Variants in DOCK9 observed in about 807,000 individuals in gnomAD.
The protein encoded by DOCK9 is dedicator of cytokinesis 9, also known as dedicator of cytokinesis protein 9.
In DOCK9, 89 loss-of-function variants were observed where a neutral mutation model predicts 263.3. The ratio of observed to expected loss-of-function variants is 0.34; its 90% CI spans 0.28 to 0.40. The LOEUF (loss-of-function observed/expected upper bound fraction) is 0.40, where lower values mean the gene tolerates loss of function less well. Ranked by LOEUF, DOCK9 falls within the 10% of genes least tolerant of loss-of-function variation. The probability of loss-of-function intolerance (pLI) is 1.00; values close to 1 mark genes in which losing one functional copy is unlikely to be tolerated. For missense variants in DOCK9, 2,140 were observed against 2,603.4 expected (o/e 0.82, Z 3.87); for synonymous variants, 976 against 973.1 (o/e 1.00, Z -0.06).
intron 15 of DOCK9, among the ~76,000 whole-genome samples, chr13:98,893,282 A>G (rs938392303): frequency 4.6e-5 from 7 of 152,234 alleles, no homozygotes; most frequent in African/African-American, 1.7e-4. Context: ...AAACTTTAGT[A>G]GTATTATTAC....
Position 98,850,642 on chromosome 13 carries a change from C to T in DOCK9, c.3947-529G>A, listed in dbSNP as rs118170226. Reference sequence around the variant, plus strand: ...GACCATAATTGAGTTAACTAGTCTCCTACTGATAGGCAGTTACTGTTTCTC... The same window carrying T: ...GACCATAATTGAGTTAACTAGTCTCTTACTGATAGGCAGTTACTGTTTCTC... On this transcript the variant is annotated intron_variant, in intron 35 of 52. Transcript: ENST00000682017. Among the ~76,000 whole-genome samples the T allele has an allele frequency of 6.6e-3, 1,006 of 152,286 alleles. 12 individuals carry two copies. Among genetic ancestry groups the T allele is most frequent in the South Asian group, 0.044 (211 of 4,820 alleles).
chr13:98,931,261 G>A (rs1051341845), intron 2 of DOCK9, among the ~76,000 whole-genome samples: 4 of 151,302 alleles, frequency 2.6e-5, no homozygotes, highest in Non-Finnish European at 5.9e-5. Context: ...TAGGCTTAAG[G>A]TTTCCTTTTC....
chr13:99,029,204 C>A (rs1172334789), intron 1 of DOCK9, among the ~76,000 whole-genome samples: 1 of 152,194 alleles, frequency 6.6e-6, no homozygotes, highest in Admixed American at 6.5e-5. Flanking sequence ...TTACACTCCC[C>A]TCAGAAACAG....
chr13:98,805,177 T>C lies in DOCK9; in HGVS notation c.5547A>G (p.Ala1849=), dbSNP rs2296984. ...GGATGACGTGAGTCACCTGGATGTATGCATACTTAGAATCCAGATCCTTAG... is the reference window on the plus strand; with the variant it reads ...GGATGACGTGAGTCACCTGGATGTACGCATACTTAGAATCCAGATCCTTAG... The part of the protein sequence containing the change: ...VNPKDLDSKY[A]YIQVTHVIPF... The change falls in exon 49 of 53, where the codon GCA becomes GCG. Residue 1849 remains alanine (A), a synonymous_variant. Coordinates refer to ENST00000682017, the MANE Select transcript of DOCK9 (RefSeq NM_001366683.2). 1.2e-6 allele frequency: 2 copies of C among 1,603,096 alleles called. No homozygotes were observed. Among genetic ancestry groups the C allele is most frequent in the South Asian group, 2.2e-5 (2 of 89,252 alleles).
At chr13:98,816,402 G>A (rs547938490) in intron 45 of DOCK9, among the ~76,000 whole-genome samples, 22 of 152,112 alleles carry the variant, frequency 1.4e-4, no homozygotes, top group Non-Finnish European at 2.8e-4. Flanking sequence ...GATGCAAGTC[G>A]CAGGGGCAGG....
Position 99,038,288 on chromosome 13 carries a change from C to CCGCTTTTTTTTTTTTTTTTT in DOCK9, c.129+47934_129+47935insAAAAAAAAAAAAAAAAAGCG, listed in dbSNP as rs1888110933. ...GCTGAAAAACTGGCTTTATGCCCCC[C>CCGCTTTTTTTTTTTTTTTTT]TTTTTTTTTTTTTTTTTTTTTTTTT... On this transcript the variant is annotated intron_variant, in intron 1 of 32. Transcript: ENST00000427887. Among the ~76,000 whole-genome samples, 2 of 86,264 alleles carry CCGCTTTTTTTTTTTTTTTTT rather than the reference C, an allele frequency of 2.3e-5. 1 individual carries two copies. The highest frequency in any genetic ancestry group is 4.4e-5 in the Non-Finnish European group (2 of 45,974). 56.6% of individuals were successfully genotyped at this position (86,264 alleles called of 152,430 possible). A position where few individuals can be genotyped will look rare whatever the true frequency, so the allele number is the denominator to read the frequency against.
At position 98,829,605 on chromosome 13, in the gene DOCK9, A is replaced by G. The variant is rs1357368401; in HGVS notation, c.4749+38T>C. The G allele has an allele frequency of 6.3e-7, 1 of 1,585,352 alleles. No homozygotes were observed. Among genetic ancestry groups the G allele is most frequent in the South Asian group, 1.1e-5 (1 of 87,212 alleles). The stretch of plus-strand genomic sequence containing the variant: ...ACAAGCACCTCAGGTGCTGATGCAG[A>G]GTCTCAGGGTGAAACTAACATGGGC... On this transcript the variant is annotated intron_variant, in intron 42 of 52. Transcript: ENST00000682017. This position sits in a 1 kb window ranked among gnomAD's most constrained non-coding sequence, Gnocchi z 4.1.
intron 7 of DOCK9, among the ~76,000 whole-genome samples, chr13:98,916,900 C>CT (rs34359674): frequency 6.6e-6 from 1 of 152,136 alleles, no homozygotes; most frequent in Non-Finnish European, 1.5e-5. Context: ...AGTTTAGGCA[C>CT]TTTTTTTAAT....
In DOCK9 at chr13:98,794,715, G is replaced by T. The variant is rs2089124330; in HGVS notation, c.6190C>A (p.Pro2064Thr). 6.2e-7 allele frequency: 1 copy of T among 1,613,842 alleles called. No homozygotes were observed. Among genetic ancestry groups the T allele is most frequent in the Non-Finnish European group, 8.5e-7 (1 of 1,179,884 alleles). Residue 2064 changes from proline to threonine, a missense_variant, in exon 53 of 53, where the codon CCG becomes ACG. Physicochemically the swap from Pro to Thr is conservative, Grantham distance 38. This residue lies in a region of DOCK9 where 619 missense variants were observed against 861.8 expected (regional missense o/e 0.72). Coordinates refer to ENST00000682017, the MANE Select transcript of DOCK9 (RefSeq NM_001366683.2). ...CPLEEKTSVLPNSLHIFNAIS... is the reference protein window; with the variant it reads ...CPLEEKTSVLTNSLHIFNAIS... Reference sequence around the variant, plus strand: ...GCGTTGAAGATGTGAAGGGAATTCGGTAAGACGCTCGTCTTCTCCTCCAGG... The same window carrying T: ...GCGTTGAAGATGTGAAGGGAATTCGTTAAGACGCTCGTCTTCTCCTCCAGG...
intron 3 of DOCK9, among the ~76,000 whole-genome samples, chr13:98,928,416 T>C (rs1213424847): frequency 5.9e-5 from 9 of 152,228 alleles, no homozygotes; most frequent in East Asian, 1.9e-4. Flanking sequence ...TCCACCCAAG[T>C]GGAAGGGTCC....
chr13:99,036,433 G>A (rs551806153), intron 1 of DOCK9, among the ~76,000 whole-genome samples: 1 of 152,170 alleles, frequency 6.6e-6, no homozygotes, highest in East Asian at 1.9e-4. Context: ...ACATGGAAGA[G>A]GGTCCTCATC....
intron 1 of DOCK9, among the ~76,000 whole-genome samples, chr13:99,035,380 C>G (rs1415027070): frequency 6.6e-6 from 1 of 152,162 alleles, no homozygotes; most frequent in Non-Finnish European, 1.5e-5. Flanking sequence ...CTCTGGCTAC[C>G]CAGCCAAAAA....
chr13:98,800,390 G>A lies in DOCK9; in HGVS notation c.5814C>T (p.Asp1938=), dbSNP rs771712709. 31 of 1,613,822 alleles carry A rather than the reference G, an allele frequency of 1.9e-5. 1 individual carries two copies. In the South Asian group the frequency reaches 3.1e-4, roughly 16 times the overall value. The change falls in exon 50 of 53, where the codon GAC becomes GAT. Residue 1938 remains aspartate, a synonymous_variant. Transcript: ENST00000682017. The part of the protein sequence containing the change: ...TDLNPIEVAI[D]EMSKKVAELR... ...GCTCCGCCACCTTCTTACTCATCTC[G>A]TCAATGGCCACCTCGATGGGGTTCA...
At chr13:98,895,851 C>A (rs1187540454) in intron 15 of DOCK9, among the ~76,000 whole-genome samples, 1 of 152,114 alleles carries the variant, frequency 6.6e-6, no homozygotes, top group Non-Finnish European at 1.5e-5. Context: ...TTTAGTCTTT[C>A]ATGAATAACA....
chr13:99,022,946 C>T (rs1272629495), intron 1 of DOCK9, among the ~76,000 whole-genome samples: 1 of 152,068 alleles, frequency 6.6e-6, no homozygotes, highest in African/African-American at 2.4e-5. Context: ...CAGACCCTGT[C>T]TCTAAAAATC....
Position 98,930,231 on chromosome 13 carries a change from T to G in DOCK9, c.270A>C (p.Arg90=). Residue 90 remains arginine, a synonymous_variant, in exon 3 of 53, where the codon CGA becomes CGC. Coordinates refer to ENST00000682017, the MANE Select transcript of DOCK9 (RefSeq NM_001366683.2). ...FQTAILRRQG[R]YICSTVPAKA... is the part of the protein sequence containing the mutation. ...TCGCAGGCACTGTTGAGCATATGTA[T>G]CGACCCTGTCGTCTCAGGATGGCCG... 1 of 1,611,582 alleles carries G rather than the reference T, an allele frequency of 6.2e-7. No individual in the cohort carries two copies. The highest frequency in any genetic ancestry group is 1.7e-5 in the Admixed American group (1 of 59,750).
intron 7 of DOCK9, among the ~76,000 whole-genome samples, chr13:98,920,544 T>G (rs1432656402): frequency 1.5e-5 from 2 of 133,812 alleles, no homozygotes; most frequent in African/African-American, 5.6e-5. Context: ...AAACCTAATC[T>G]CTTTACTGAT....
In DOCK9 at chr13:98,809,340, C is replaced by T. The variant is rs1354562244; in HGVS notation, c.5367+12G>A. The stretch of plus-strand genomic sequence containing the variant: ...GACTTAGGACAGTCTGCAGAATGGA[C>T]AGGAGGCTCACCTGCCCGAAGAAGG... On this transcript the variant is annotated intron_variant, in intron 47 of 52. Transcript: ENST00000682017. 3 of 1,607,074 alleles carry T rather than the reference C, an allele frequency of 1.9e-6. No homozygotes were observed. Among genetic ancestry groups the T allele is most frequent in the Non-Finnish European group, 2.6e-6 (3 of 1,174,530 alleles).
At chr13:98,976,051 C>CCTGAT (rs1231718964) in intron 1 of DOCK9, among the ~76,000 whole-genome samples, 1 of 152,102 alleles carries the variant, frequency 6.6e-6, no homozygotes, top group Non-Finnish European at 1.5e-5. Context: ...TCCTTGCTTC[C>CCTGAT]CTGATCTGAC....
Sources: gnomAD v4.1 joint callset for allele counts (sites outside exome capture counted in the v4.1 genomes callset) on GRCh38, gnomAD v4.1.1 for gene constraint, gnomAD v4.1.1 regional missense constraint, Gnocchi (gnomAD v3.1) non-coding constraint, MANE v1.5 for transcripts, NCBI Gene and HGNC (gene_info 2026-07-23, HGNC 2026-07-21) for gene names.